The following ARMH4 variants were observed in gnomAD, a reference collection of about 807,000 sequenced individuals.
ARMH4 encodes the protein armadillo like helical domain containing 4.
ARMH4 carries 49 observed loss-of-function variants against 61.9 expected under a neutral mutation model. The ratio of observed to expected loss-of-function variants is 0.79; its 90% confidence interval spans 0.63 to 1.00. ARMH4 has a LOEUF of 1.00. Ranked by LOEUF, ARMH4 falls within the 50% of genes least tolerant of loss-of-function variation. The pLI, the probability that ARMH4 is intolerant of heterozygous loss-of-function variation, is 0.00. For missense variants in ARMH4, 934 were observed against 930.0 expected (o/e 1.00, Z -0.06); for synonymous variants, 368 against 341.5 (o/e 1.08, Z -0.85).
intron 5 of ARMH4, among the ~76,000 whole-genome samples, chr14:58,042,253 C>T (rs1883746773): frequency 6.6e-6 from 1 of 152,224 alleles, no homozygotes. Flanking sequence ...AACTGTCTCT[C>T]AGACCACAAT....
At chr14:58,147,322 T>TG (rs1458092221) in intron 1 of ARMH4, among the ~76,000 whole-genome samples, 1 of 151,748 alleles carries the variant, frequency 6.6e-6, no homozygotes, top group Non-Finnish European at 1.5e-5. Context: ...GATGGTTTTT[T>TG]TTTTTTTTTT....
At position 58,152,169 on chromosome 14, in the gene ARMH4, G is replaced by C. The variant is rs565533366; in HGVS notation, c.-151C>G. On this transcript the variant is annotated 5_prime_UTR_variant, in exon 1 of 8. Transcript: ENST00000267485. The stretch of plus-strand genomic sequence containing the variant: ...CGGCGGGCCCTGCGGCGGCGGCGGC[G>C]GTAGCGGCGGCGACTCCCTCCGCTG... The C allele has an allele frequency of 6.2e-6, 1 of 160,548 alleles. No homozygotes were observed. Among genetic ancestry groups the C allele is most frequent in the Admixed American group, 6.5e-5 (1 of 15,326 alleles). The allele number at this position is 160,548 out of a possible 1,614,324, so 9.9% of individuals were successfully genotyped here. A position where few individuals can be genotyped will look rare whatever the true frequency, so the allele number is the denominator to read the frequency against.
intron 4 of ARMH4, among the ~76,000 whole-genome samples, chr14:58,122,181 A>G (rs1030485250): frequency 6.6e-6 from 1 of 152,228 alleles, no homozygotes; most frequent in Non-Finnish European, 1.5e-5. Context: ...GTTCAAGCCT[A>G]TCACACTCTT....
At chr14:58,094,554 T>C (rs1339514381) in intron 5 of ARMH4, among the ~76,000 whole-genome samples, 1 of 152,170 alleles carries the variant, frequency 6.6e-6, no homozygotes, top group African/African-American at 2.4e-5. Flanking sequence ...TATATATGTG[T>C]GTGGATGTGT....
intron 5 of ARMH4, among the ~76,000 whole-genome samples, chr14:58,072,630 G>A (rs1884917962): frequency 6.6e-6 from 1 of 151,986 alleles, no homozygotes; most frequent in African/African-American, 2.4e-5. Flanking sequence ...GTTGAGGCAG[G>A]AGAATTGCTT....
chr14:58,001,775 T>G lies in ARMH4; in HGVS notation c.*2961A>C, dbSNP rs1214709808. ...TCAGGTCTGGGGCAAGGCCTTGAGATCTGTATGTTTCACAAGTGTCCCAGG... is the reference window on the plus strand; with the variant it reads ...TCAGGTCTGGGGCAAGGCCTTGAGAGCTGTATGTTTCACAAGTGTCCCAGG... On this transcript the variant is annotated 3_prime_UTR_variant, in exon 8 of 8. Coordinates refer to ENST00000267485, the MANE Select transcript of ARMH4 (RefSeq NM_001001872.4). 6.6e-6 allele frequency: 1 copy of G among 152,088 alleles called. No homozygotes were observed. The highest frequency in any genetic ancestry group is 2.4e-5 in the African/African-American group (1 of 41,404). 9.4% of individuals were successfully genotyped at this position (152,088 alleles called of 1,614,324 possible).
chr14:58,049,458 A>C (rs1313501524), intron 5 of ARMH4, among the ~76,000 whole-genome samples: 2 of 152,220 alleles, frequency 1.3e-5, no homozygotes, highest in African/African-American at 4.8e-5. Flanking sequence ...TTAGGTTACA[A>C]AGTAAAAACA....
chr14:58,112,814 T>A (rs1886396561), intron 4 of ARMH4, among the ~76,000 whole-genome samples: 3 of 152,308 alleles, frequency 2.0e-5, no homozygotes, highest in South Asian at 4.1e-4. Context: ...TGGTTTCCAG[T>A]TCCACCATTG....
chr14:58,117,028 T>A (rs1256566903), intron 4 of ARMH4, among the ~76,000 whole-genome samples: 1 of 152,162 alleles, frequency 6.6e-6, no homozygotes, highest in Non-Finnish European at 1.5e-5. Context: ...CACAGCTCAC[T>A]GCAGTCTTGA....
intron 5 of ARMH4, among the ~76,000 whole-genome samples, chr14:58,045,166 T>C (rs1201858930): frequency 6.6e-6 from 1 of 152,236 alleles, no homozygotes; most frequent in African/African-American, 2.4e-5. Context: ...TGCACATGTA[T>C]GTTGATTGTG....
chr14:58,094,800 T>C (rs1251725703), intron 5 of ARMH4, among the ~76,000 whole-genome samples: 3 of 152,176 alleles, frequency 2.0e-5, no homozygotes, highest in African/African-American at 7.2e-5. Flanking sequence ...AGGGATGCAC[T>C]GCAAAGGGGC....
chr14:58,076,657 A>T (rs1885058979), intron 5 of ARMH4, among the ~76,000 whole-genome samples: 5 of 152,144 alleles, frequency 3.3e-5, no homozygotes. Context: ...TTGTTTTTTT[A>T]AAAAGAAAGA....
intron 5 of ARMH4, among the ~76,000 whole-genome samples, chr14:58,053,547 C>T (rs1408850129): frequency 6.6e-6 from 1 of 152,210 alleles, no homozygotes; most frequent in Non-Finnish European, 1.5e-5. Flanking sequence ...TTCATAAACA[C>T]ATTCCCAGGG....
At chr14:58,086,543 ATGT>A (rs1291383258) in intron 5 of ARMH4, among the ~76,000 whole-genome samples, 1 of 152,100 alleles carries the variant, frequency 6.6e-6, no homozygotes, top group Non-Finnish European at 1.5e-5. Context: ...AATTAACCTT[ATGT>A]TATCTAAAAA....
chr14:58,017,073 C>A lies in ARMH4; in HGVS notation c.2090-4923G>T, dbSNP rs77140188. On this transcript the variant is annotated intron_variant, in intron 5 of 7. Transcript: ENST00000267485. ...GCTCACACCTGTAATCCCAGCACTT[C>A]AGGAGGCTGAGGCGGGTGGCTCACT... Among the ~76,000 whole-genome samples the A allele has an allele frequency of 2.9e-3, 435 of 152,258 alleles. 3 individuals carry two copies. The highest frequency in any genetic ancestry group is 0.01 in the African/African-American group (422 of 41,554).
chr14:58,069,555 T>C (rs1478279336), intron 5 of ARMH4, among the ~76,000 whole-genome samples: 3 of 152,142 alleles, frequency 2.0e-5, no homozygotes, highest in Non-Finnish European at 2.9e-5. Flanking sequence ...ATTCCAGACA[T>C]AGAGATCTGG....
At chr14:58,042,576 A>G (rs892967228) in intron 5 of ARMH4, among the ~76,000 whole-genome samples, 3 of 152,170 alleles carry the variant, frequency 2.0e-5, no homozygotes, top group Admixed American at 1.3e-4. Flanking sequence ...AAAAGCTAGC[A>G]GAAGGCAAGA....
At chr14:58,084,831 G>C (rs1885331335) in intron 5 of ARMH4, among the ~76,000 whole-genome samples, 2 of 152,140 alleles carry the variant, frequency 1.3e-5, no homozygotes, top group African/African-American at 4.8e-5. Flanking sequence ...GCTATATTTT[G>C]TGCCAGATTC....
chr14:58,001,193 T>C lies in ARMH4; in HGVS notation c.*3543A>G, dbSNP rs1393270408. ...TTGTCACAATGACAGAATTTCCTTA[T>C]TTCCTATGGCTGAATAATATTCTAC... On this transcript the variant is annotated 3_prime_UTR_variant, in exon 8 of 8. Coordinates refer to ENST00000267485, the MANE Select transcript of ARMH4 (RefSeq NM_001001872.4). The C allele has an allele frequency of 6.6e-6, 1 of 152,216 alleles. No homozygotes were observed. Among genetic ancestry groups the C allele is most frequent in the Admixed American group, 6.5e-5 (1 of 15,280 alleles). 9.4% of individuals were successfully genotyped at this position (152,216 alleles called of 1,614,324 possible).
Sources: gnomAD v4.1 joint callset for allele counts (sites outside exome capture counted in the v4.1 genomes callset) on GRCh38, gnomAD v4.1.1 for gene constraint, MANE v1.5 for transcripts, NCBI Gene and HGNC (gene_info 2026-07-23, HGNC 2026-07-21) for gene names.